Variants in ANO6 observed in about 807,000 individuals in gnomAD.
The protein encoded by ANO6 is anoctamin 6.
A neutral mutation model predicts 117.5 loss-of-function variants in ANO6; 106 were observed. The ratio of observed to expected loss-of-function variants is 0.90; its 90% CI spans 0.77 to 1.06. The LOEUF (loss-of-function observed/expected upper bound fraction) is 1.06. Among genes scored for constraint, ANO6 ranks in the 50% least tolerant of loss-of-function variants. The probability of loss-of-function intolerance (pLI) is 0.00; values close to 1 mark genes in which losing one functional copy is unlikely to be tolerated. For missense variants in ANO6, 955 were observed against 1,121.1 expected (o/e 0.85, Z 2.12); for synonymous variants, 367 against 385.1 (o/e 0.95, Z 0.55).
intron 2 of ANO6, among the ~76,000 whole-genome samples, chr12:45,309,673 T>G (rs1180462593): frequency 7.8e-6 from 1 of 128,810 alleles, no homozygotes; most frequent in Admixed American, 8.4e-5. Flanking sequence ...TTATGGTCAA[T>G]CCAAGACCTT....
At chr12:45,222,322 G>A (rs975375445) in intron 1 of ANO6, among the ~76,000 whole-genome samples, 9 of 151,930 alleles carry the variant, frequency 5.9e-5, no homozygotes, top group African/African-American at 1.9e-4. Flanking sequence ...CACTGTGCCC[G>A]GCTAATTTTT....
At chr12:45,304,322 A>C (rs1355547893) in intron 2 of ANO6, among the ~76,000 whole-genome samples, 1 of 152,220 alleles carries the variant, frequency 6.6e-6, no homozygotes, top group Non-Finnish European at 1.5e-5. Flanking sequence ...GGTGGCTCCC[A>C]TTGTATAGGC....
intron 2 of ANO6, among the ~76,000 whole-genome samples, chr12:45,328,886 CT>C (rs1940567035): frequency 6.6e-6 from 1 of 152,058 alleles, no homozygotes; most frequent in Admixed American, 6.6e-5. Context: ...TTGATACTTA[CT>C]TTTCGTAGTG....
chr12:45,269,343 G>A (rs1938319715), intron 1 of ANO6, among the ~76,000 whole-genome samples: 1 of 152,192 alleles, frequency 6.6e-6, no homozygotes, highest in Non-Finnish European at 1.5e-5. Flanking sequence ...AGAAATAACA[G>A]TAATGAATAG....
At chr12:45,385,091 G>A (rs1296999823) in intron 10 of ANO6, among the ~76,000 whole-genome samples, 2 of 152,122 alleles carry the variant, frequency 1.3e-5, no homozygotes, top group East Asian at 1.9e-4. Context: ...TTCATTCAGT[G>A]CATTCATTCG....
chr12:45,440,225 G>A lies in ANO6; in HGVS notation c.*287G>A, dbSNP rs183911319. The A allele has an allele frequency of 1.9e-3, 458 of 246,986 alleles. 2 individuals are homozygous for A. The highest frequency in any genetic ancestry group is 0.01 in the Middle Eastern group (8 of 774). 15.3% of individuals were successfully genotyped at this position (246,986 alleles called of 1,614,324 possible). ...TTAATTTTTAAAAGGTAATTTAATT[G>A]AGCCTAATTTCTTTTTCTTTTTTCT... On this transcript the variant is annotated 3_prime_UTR_variant, in exon 20 of 20. Coordinates refer to the ANO6 transcript ENST00000425752.
intron 1 of ANO6, among the ~76,000 whole-genome samples, chr12:45,228,715 C>A (rs1947527565): frequency 6.6e-6 from 1 of 152,106 alleles, no homozygotes; most frequent in Admixed American, 6.5e-5. Context: ...GGAGGCAGGG[C>A]AGTCAGGTAG....
intron 12 of ANO6, among the ~76,000 whole-genome samples, chr12:45,391,207 G>A (rs1285552287): frequency 3.3e-5 from 5 of 152,142 alleles, no homozygotes; most frequent in African/African-American, 9.7e-5. Context: ...CTTGAAAGTT[G>A]TAAAGGATCT....
At chr12:45,249,596 C>T (rs1275249571) in intron 1 of ANO6, among the ~76,000 whole-genome samples, 1 of 152,030 alleles carries the variant, frequency 6.6e-6, no homozygotes, top group East Asian at 1.9e-4. Flanking sequence ...CTCTTATGTT[C>T]AGGATAGGAG....
chr12:45,339,862 T>C (rs1391474212), intron 3 of ANO6, among the ~76,000 whole-genome samples: 1 of 152,138 alleles, frequency 6.6e-6, no homozygotes, highest in Admixed American at 6.6e-5. Context: ...CCATCAATAC[T>C]TTGCCTAACA....
intron 9 of ANO6, among the ~76,000 whole-genome samples, chr12:45,375,884 A>C (rs1217833217): frequency 1.3e-5 from 2 of 148,960 alleles, no homozygotes; most frequent in Admixed American, 6.6e-5. Flanking sequence ...GGGCTTCTGC[A>C]CAGCAAAAGA....
chr12:45,326,314 A>C (rs746413825), intron 2 of ANO6, among the ~76,000 whole-genome samples: 2 of 152,226 alleles, frequency 1.3e-5, no homozygotes, highest in Admixed American at 1.3e-4. Flanking sequence ...GTTCAGGACT[A>C]GTTATAGCCA....
chr12:45,248,877 C>A (rs1395521559), intron 1 of ANO6, among the ~76,000 whole-genome samples: 1 of 152,184 alleles, frequency 6.6e-6, no homozygotes, highest in Admixed American at 6.5e-5. Context: ...TCAGAGATAC[C>A]TGGTCTGGGC....
intron 12 of ANO6, among the ~76,000 whole-genome samples, chr12:45,392,668 A>G (rs1942486773): frequency 6.6e-6 from 1 of 152,212 alleles, no homozygotes; most frequent in African/African-American, 2.4e-5. Flanking sequence ...ATCAGGCAGC[A>G]ATATTTGCTG....
chr12:45,240,032 A>G (rs925397488), intron 1 of ANO6, among the ~76,000 whole-genome samples: 1 of 152,142 alleles, frequency 6.6e-6, no homozygotes, highest in Admixed American at 6.5e-5. Context: ...GCAGCTGTCT[A>G]TTAGGTCTGC....
rs371740174 is a variant in ANO6, at chr12:45,402,021, G to A, written c.1612+1G>A. The stretch of plus-strand genomic sequence containing the variant: ...GTGGCAATTATGATTACTAACTTCG[G>A]TAAGGTCCTACTATAGCTTAGGTAA... On this transcript the variant is annotated splice_donor_variant, in intron 13 of 19. Transcript: ENST00000320560. LOFTEE classifies it high-confidence loss of function. 1.2e-6 allele frequency: 2 copies of A among 1,610,664 alleles called. No individual in the cohort carries two copies. The highest frequency in any genetic ancestry group is 2.7e-5 in the African/African-American group (2 of 74,746).
intron 8 of ANO6, among the ~76,000 whole-genome samples, chr12:45,358,670 C>G (rs1941474330): frequency 6.6e-6 from 1 of 152,022 alleles, no homozygotes; most frequent in Non-Finnish European, 1.5e-5. Flanking sequence ...GTGCTCAAAA[C>G]TATTTGGCTT....
intron 1 of ANO6, among the ~76,000 whole-genome samples, chr12:45,300,466 T>C (rs1039216170): frequency 3.3e-5 from 5 of 152,210 alleles, no homozygotes; most frequent in African/African-American, 7.2e-5. Flanking sequence ...GTGTGAGTTA[T>C]CATGCCCAGC....
At chr12:45,425,672 T>G (rs1943484129) in intron 19 of ANO6, among the ~76,000 whole-genome samples, 1 of 152,216 alleles carries the variant, frequency 6.6e-6, no homozygotes, top group African/African-American at 2.4e-5. Context: ...CCATGTGGTT[T>G]TTATTGGAGT....
Sources: allele counts gnomAD v4.1 joint callset (sites outside exome capture counted in the v4.1 genomes callset), GRCh38; gene constraint gnomAD v4.1.1; transcripts MANE v1.5; gene names NCBI Gene and HGNC (gene_info 2026-07-23, HGNC 2026-07-21).